OTX1: variants seen among roughly 807,000 people sequenced by gnomAD.
The protein encoded by OTX1 is homeobox protein OTX1.
OTX1 carries 7 observed loss-of-function variants against 26.7 expected under a neutral mutation model. The observed-to-expected ratio is 0.26, with a 90% CI of 0.15 to 0.49. The LOEUF (loss-of-function observed/expected upper bound fraction) is 0.49. Among genes scored for constraint, OTX1 ranks in the 20% least tolerant of loss-of-function variants. The pLI, the probability that OTX1 is intolerant of heterozygous loss-of-function variation, is 0.98. For synonymous variants in OTX1, 216 were observed against 212.8 expected, an observed-to-expected ratio of 1.01 and a Z score of -0.13; for missense variants, 414 against 483.8, an observed-to-expected ratio of 0.86 and a Z score of 1.35.
chr2:63,054,293 T>A, intron 4 of OTX1, 95 bp downstream of exon 4: 1 of 1,262,404 alleles, frequency 7.9e-7, no homozygotes, highest in East Asian at 2.8e-5. Flanking sequence ...GAGGAGACCA[T>A]CCTGTGGGGG....
rs906474733 is a variant in OTX1 at position 63,054,100 on chromosome 2, G to C, written c.151G>C (p.Asp51His). The change falls in exon 4 of 5, where the codon GAC (aspartate) becomes CAC (histidine). Residue 51 changes from aspartate (D) to histidine (H), a missense_variant. Asp to His is a moderately conservative substitution (Grantham distance 81, BLOSUM62 -1). Around this residue, in one of 3 missense-constraint regions of OTX1, gnomAD observed 46 missense variants for 94.3 expected, o/e 0.49. Coordinates refer to ENST00000282549, the MANE Select transcript of OTX1 (RefSeq NM_014562.4). ...ERTTFTRSQL[D>H]VLEALFAKTR... is the part of the protein sequence containing the mutation. ...CACCACCTTCACGCGTTCACAGCTG[G>C]ACGTGCTCGAGGCGCTCTTCGCCAA... 3.7e-6 allele frequency: 6 copies of C among 1,612,286 alleles called. No homozygotes were observed. The Admixed American group carries it at 5.0e-5, about 13-fold the overall frequency.
chr2:63,053,949 A>G (rs2062045487), intron 3 of OTX1, 98 bp from the exon 4 acceptor site: 2 of 1,392,954 alleles, frequency 1.4e-6, no homozygotes, highest in Non-Finnish European at 1.9e-6. Context: ...TTCTTTTGCG[A>G]AGGCCGAGAT....
chr2:63,051,292 T>G lies in OTX1; in HGVS notation c.-137T>G, dbSNP rs1351076102. 1.3e-5 allele frequency: 2 copies of G among 152,416 alleles called. No homozygotes were observed. Among genetic ancestry groups the G allele is most frequent in the Admixed American group, 1.3e-4 (2 of 15,294 alleles). 9.4% of individuals were successfully genotyped at this position (152,416 alleles called of 1,614,324 possible). A position where few individuals can be genotyped will look rare whatever the true frequency, so the allele number is the denominator to read the frequency against. On this transcript the variant is annotated 5_prime_UTR_variant, in exon 2 of 5. Transcript: ENST00000282549. ...CTCTGTGAGAGATCCAGGTAGATGG[T>G]GAACGGCCCCGGCAGCTGAGGGCAG...
rs986771342 is a variant in OTX1 at position 63,056,678 on chromosome 2, A to T, written c.*362A>T. The T allele has an allele frequency of 2.9e-5, 8 of 276,956 alleles. No individual in the cohort carries two copies. Among genetic ancestry groups the T allele is most frequent in the Admixed American group, 1.4e-4 (3 of 21,198 alleles). 17.2% of individuals were successfully genotyped at this position (276,956 alleles called of 1,614,324 possible). ...CAGCCTTCGGAGGCTCTGCGCTCTG[A>T]TCCGCTGTTTGAGCCCAACACTTTA... On this transcript the variant is annotated 3_prime_UTR_variant, in exon 5 of 5. Coordinates refer to ENST00000282549, the MANE Select transcript of OTX1 (RefSeq NM_014562.4).
At chr2:63,050,678 G>A (rs2062018882), upstream of OTX1, 4 of 151,240 alleles carry the variant, frequency 2.6e-5, no homozygotes, top group South Asian at 6.3e-4. Context: ...TGGGGGGCGG[G>A]GGAGGGCGGG....
At position 63,054,209 on chromosome 2, in the gene OTX1, C is replaced by T. The variant is rs1247564567; in HGVS notation, c.249+11C>T. On this transcript the variant is annotated intron_variant, in intron 4 of 4. Transcript: ENST00000282549. ...GAGTCTAGAGTCCAGGTGCGCACTC[C>T]CCGGGCTCCAGGGTCTGGGTAGGGG... 12 of 1,577,640 alleles carry T rather than the reference C, an allele frequency of 7.6e-6. No individual in the cohort carries two copies. The highest frequency in any genetic ancestry group is 5.3e-5 in the Admixed American group (3 of 56,980).
intron 3 of OTX1, 192 bp downstream of exon 3, chr2:63,053,279 A>AGGGC (rs1489073825): frequency 2.2e-6 from 1 of 457,868 alleles, no homozygotes; most frequent in Non-Finnish European, 3.8e-6. Context: ...TGAGGTGGCC[A>AGGGC]GGGCTGAGAA....
chr2:63,051,483 C>G (rs1054389069), intron 2 of OTX1, 166 bp downstream of exon 2: 3 of 152,310 alleles, frequency 2.0e-5, no homozygotes, highest in Non-Finnish European at 4.4e-5. Flanking sequence ...GGGGCGCTGT[C>G]GCGGCCCGCA....
chr2:63,054,334 A>C (rs1463515306), intron 4 of OTX1, 136 bp downstream of exon 4: 3 of 830,806 alleles, frequency 3.6e-6, no homozygotes, highest in Non-Finnish European at 5.0e-6. Flanking sequence ...CCGCTCTCGG[A>C]CTCCCCCTAG....
chr2:63,053,719 C>G (rs1004573444), intron 3 of OTX1, among the ~76,000 whole-genome samples: 1 of 151,794 alleles, frequency 6.6e-6, no homozygotes, highest in South Asian at 2.1e-4. Flanking sequence ...TGTGTGTGTG[C>G]GTGTGTGTGC....
In OTX1 at chr2:63,055,723, G is replaced by T; in HGVS notation, c.472G>T (p.Gly158Cys). ...AGCGGCTGCAGCGGCTGCGGGACTA[G>T]GTGGGAACCCGGTGGCGGCCGCGTC... ...NPAAAAAAGLGGNPVAAASSL... is the reference protein window; with the variant it reads ...NPAAAAAAGLCGNPVAAASSL... Residue 158 changes from glycine (G) to cysteine (C), a missense_variant, in exon 5 of 5, where the codon GGT (glycine) becomes TGT (cysteine). Physicochemically the swap from Gly to Cys is radical, Grantham distance 159. Transcript: ENST00000282549. The surrounding 1 kb of genome is among the most constrained non-coding windows in gnomAD (Gnocchi z 5.2). 6.2e-7 allele frequency: 1 copy of T among 1,613,196 alleles called. No homozygotes were observed. Among genetic ancestry groups the T allele is most frequent in the Non-Finnish European group, 8.5e-7 (1 of 1,179,802 alleles).
chr2:63,053,581 A>C, intron 3 of OTX1: 1 of 171,010 alleles, frequency 5.8e-6, no homozygotes, highest in Non-Finnish European at 1.2e-5. Context: ...GCTGTAGAGG[A>C]CGACTTGAGC....
rs1023087952 is a variant in OTX1, at chr2:63,057,671, A to G, written c.*1355A>G. ...CTGCGGAGAGCCCGCGCGCCTGTGT[A>G]TCAATTTTGGCTTTGGCCGCTTCGT... is the stretch of plus-strand genomic sequence containing the variant. On this transcript the variant is annotated 3_prime_UTR_variant, in exon 5 of 5. Coordinates refer to ENST00000282549, the MANE Select transcript of OTX1 (RefSeq NM_014562.4). The G allele has an allele frequency of 1.3e-5, 2 of 152,192 alleles. No homozygotes were observed. The highest frequency in any genetic ancestry group is 4.8e-5 in the African/African-American group (2 of 41,442). The allele number at this position is 152,192 out of a possible 1,614,324, so 9.4% of individuals were successfully genotyped here. A position where few individuals can be genotyped will look rare whatever the true frequency, so the allele number is the denominator to read the frequency against.
chr2:63,056,466 GC>G lies in OTX1; in HGVS notation c.*155del. On this transcript the variant is annotated 3_prime_UTR_variant, in exon 5 of 5. Coordinates refer to ENST00000282549, the MANE Select transcript of OTX1 (RefSeq NM_014562.4). ...AAAGATGTCCATTGCCTGCACTGCC[GC>G]CCCCATTTTTGTGCCACTTGCTTGG... The G allele has an allele frequency of 1.4e-6, 1 of 731,984 alleles. No individual in the cohort carries two copies. The highest frequency in any genetic ancestry group is 2.2e-6 in the Non-Finnish European group (1 of 456,148). 45.3% of individuals were successfully genotyped at this position (731,984 alleles called of 1,614,324 possible). A position where few individuals can be genotyped will look rare whatever the true frequency, so the allele number is the denominator to read the frequency against.
chr2:63,051,749 G>C (rs1285605344), intron 2 of OTX1: 2 of 152,456 alleles, frequency 1.3e-5, no homozygotes, highest in Non-Finnish European at 1.5e-5. Context: ...TTCTCTCCTT[G>C]AACGTCCTAG....
upstream of OTX1, among the ~76,000 whole-genome samples, chr2:63,049,896 G>T (rs1382446539): frequency 6.6e-6 from 1 of 152,188 alleles, no homozygotes; most frequent in African/African-American, 2.4e-5. The surrounding 1 kb of genome is among the most constrained non-coding windows in gnomAD (Gnocchi z 4.8). Flanking sequence ...GGATCCTTAC[G>T]CAGCATGTGG....
At position 63,055,828 on chromosome 2, in the gene OTX1, G is replaced by A. The variant is rs778766212; in HGVS notation, c.577G>A (p.Val193Met). 3.7e-6 allele frequency: 6 copies of A among 1,612,152 alleles called. No homozygotes were observed. Among genetic ancestry groups the A allele is most frequent in the African/African-American group, 1.3e-5 (1 of 75,030 alleles). Reference protein sequence around the residue: ...SPGSAPASVSVPEPLAAPSNT... With the variant: ...SPGSAPASVSMPEPLAAPSNT... ...AGGCTCAGCGCCCGCGTCCGTGTCG[G>A]TGCCGGAGCCATTGGCCGCGCCTAG... is the stretch of plus-strand genomic sequence containing the variant. The change falls in exon 5 of 5, where the codon GTG (valine) becomes ATG (methionine). Residue 193 changes from valine (V) to methionine (M), a missense_variant. This residue lies in a region of OTX1 where 320 missense variants were observed against 347.9 expected (regional missense o/e 0.92). Transcript: ENST00000282549. The surrounding 1 kb of genome is among the most constrained non-coding windows in gnomAD (Gnocchi z 5.2).
In OTX1 at chr2:63,057,482, G is replaced by C. The variant is rs746970659; in HGVS notation, c.*1166G>C. Reference sequence around the variant, plus strand: ...ACCTAAAACAAGAAAACCAAAACCAGGGAACAAAACAACAAAACAAAACAA... The same window carrying C: ...ACCTAAAACAAGAAAACCAAAACCACGGAACAAAACAACAAAACAAAACAA... On this transcript the variant is annotated 3_prime_UTR_variant, in exon 5 of 5. Coordinates refer to ENST00000282549, the MANE Select transcript of OTX1 (RefSeq NM_014562.4). The C allele has an allele frequency of 1.3e-5, 2 of 152,328 alleles. No homozygotes were observed. Among genetic ancestry groups the C allele is most frequent in the African/African-American group, 2.4e-5 (1 of 41,428 alleles). 9.4% of individuals were successfully genotyped at this position (152,328 alleles called of 1,614,324 possible). A position where few individuals can be genotyped will look rare whatever the true frequency, so the allele number is the denominator to read the frequency against.
Position 63,053,907 on chromosome 2 carries a change from C to G in OTX1, c.98-140C>G, listed in dbSNP as rs572561087. On this transcript the variant is annotated intron_variant, in intron 3 of 4. Coordinates refer to ENST00000282549, the MANE Select transcript of OTX1 (RefSeq NM_014562.4). ...CCTGTGGCCTCTCAGGCTCGGCCGC[C>G]CGAGGGAGTTTCTTTTATTCCCAGT... 4.0e-6 allele frequency: 4 copies of G among 994,562 alleles called. No homozygotes were observed. The African/African-American group carries it at 6.7e-5, about 17-fold the overall frequency. 61.6% of individuals were successfully genotyped at this position (994,562 alleles called of 1,614,324 possible).
Sources: gnomAD v4.1 joint callset for allele counts (sites outside exome capture counted in the v4.1 genomes callset) on GRCh38, gnomAD v4.1.1 for gene constraint, gnomAD v4.1.1 regional missense constraint, Gnocchi (gnomAD v3.1) non-coding constraint, MANE v1.5 for transcripts, NCBI Gene and HGNC (gene_info 2026-07-23, HGNC 2026-07-21) for gene names.